GKAP1: variants seen among roughly 807,000 people sequenced by gnomAD.
GKAP1 encodes the protein G kinase-anchoring protein 1.
In GKAP1, 31 loss-of-function variants were observed where a neutral mutation model predicts 56.7. The ratio of observed to expected loss-of-function variants is 0.55; its 90% CI spans 0.41 to 0.74. The LOEUF (loss-of-function observed/expected upper bound fraction) is 0.74, where lower values mean the gene tolerates loss of function less well. GKAP1 is among the 30% of genes least tolerant of loss of function. The probability of loss-of-function intolerance (pLI) is 0.00; values close to 1 mark genes in which losing one functional copy is unlikely to be tolerated. For synonymous variants in GKAP1, 151 were observed against 138.6 expected (o/e 1.09, Z -0.63); for missense variants, 364 against 402.3 (o/e 0.90, Z 0.82).
intron 7 of GKAP1, among the ~76,000 whole-genome samples, chr9:83,774,578 A>G (rs1266940345): frequency 6.6e-6 from 1 of 151,182 alleles, no homozygotes; most frequent in Non-Finnish European, 1.5e-5. Flanking sequence ...TGGGTGACAG[A>G]GCAAGACCCT....
intron 8 of GKAP1, among the ~76,000 whole-genome samples, chr9:83,763,383 G>T (rs925780408): frequency 2.0e-5 from 3 of 151,870 alleles, no homozygotes; most frequent in African/African-American, 7.3e-5. Context: ...AGCACAACAG[G>T]GTGACTATTA....
chr9:83,804,174 G>A (rs1030866679), intron 3 of GKAP1, among the ~76,000 whole-genome samples: 1 of 149,066 alleles, frequency 6.7e-6, no homozygotes, highest in African/African-American at 2.5e-5. Flanking sequence ...GGTGAGGGGC[G>A]CCTCTGCCCA....
In GKAP1 at chr9:83,748,342, C is replaced by T. The variant is rs1267798503; in HGVS notation, c.871G>A (p.Ala291Thr). 1 of 1,597,256 alleles carries T rather than the reference C, an allele frequency of 6.3e-7. No individual in the cohort carries two copies. Among genetic ancestry groups the T allele is most frequent in the Non-Finnish European group, 8.5e-7 (1 of 1,170,676 alleles). Residue 291 changes from alanine (A) to threonine (T), a missense_variant, in exon 10 of 13, where the codon GCA (alanine) becomes ACA (threonine). Transcript: ENST00000376371. ...AKYKEVKARNAQLLKMLQEGE... is the reference protein window; with the variant it reads ...AKYKEVKARNTQLLKMLQEGE... ...TCCTGAAGCATTTTCAATAATTGTG[C>T]ATTTCTTGCCTTTACTTCCTTATAC...
At chr9:83,741,410 A>C (rs1367869260) in intron 12 of GKAP1, among the ~76,000 whole-genome samples, 1 of 151,772 alleles carries the variant, frequency 6.6e-6, no homozygotes, top group African/African-American at 2.4e-5. Context: ...TGGTATTTTT[A>C]ATTGCTTCAT....
intron 5 of GKAP1, among the ~76,000 whole-genome samples, chr9:83,785,368 C>T (rs1358215805): frequency 6.6e-6 from 1 of 151,906 alleles, no homozygotes; most frequent in African/African-American, 2.4e-5. Flanking sequence ...TGCTTTATAC[C>T]CACTGCTCTT....
At chr9:83,789,505 G>A (rs927906170) in intron 4 of GKAP1, among the ~76,000 whole-genome samples, 1 of 152,156 alleles carries the variant, frequency 6.6e-6, no homozygotes, top group African/African-American at 2.4e-5. Context: ...GTGTCTATGT[G>A]TACAGGATAA....
At chr9:83,804,329 C>T (rs1944391678) in intron 3 of GKAP1, among the ~76,000 whole-genome samples, 1 of 146,236 alleles carries the variant, frequency 6.8e-6, no homozygotes, top group African/African-American at 2.5e-5. Context: ...GGCCAGCCGC[C>T]CCATCCGGGA....
At chr9:83,743,970 A>G (rs917174500) in intron 10 of GKAP1, among the ~76,000 whole-genome samples, 17 of 152,214 alleles carry the variant, frequency 1.1e-4, no homozygotes, top group Non-Finnish European at 1.8e-4. Flanking sequence ...TAAAATTGTA[A>G]TAAAATTAGC....
intron 4 of GKAP1, among the ~76,000 whole-genome samples, chr9:83,791,195 G>A (rs962524399): frequency 6.6e-6 from 1 of 152,156 alleles, no homozygotes; most frequent in African/African-American, 2.4e-5. Context: ...AAGGTCAGGA[G>A]ATCAAGACCA....
intron 7 of GKAP1, among the ~76,000 whole-genome samples, chr9:83,771,079 T>C (rs1240404722): frequency 6.6e-6 from 1 of 152,134 alleles, no homozygotes; most frequent in Non-Finnish European, 1.5e-5. Flanking sequence ...CATTCTCTTT[T>C]TTTTGAGACA....
intron 10 of GKAP1, among the ~76,000 whole-genome samples, chr9:83,743,500 C>T (rs2131224654): frequency 6.6e-6 from 1 of 152,134 alleles, no homozygotes; most frequent in Middle Eastern, 3.4e-3. Context: ...GAGGCTGAGG[C>T]AGGAGAATCA....
chr9:83,771,456 A>G (rs912189414), intron 7 of GKAP1, among the ~76,000 whole-genome samples: 2 of 152,208 alleles, frequency 1.3e-5, no homozygotes, highest in African/African-American at 4.8e-5. Flanking sequence ...AATTATTCAT[A>G]CTTTTCACTT....
chr9:83,765,068 AG>A (rs1943639267), intron 8 of GKAP1, among the ~76,000 whole-genome samples: 1 of 152,130 alleles, frequency 6.6e-6, no homozygotes, highest in African/African-American at 2.4e-5. Flanking sequence ...CTGGAAGCCT[AG>A]GAGGGAAAAT....
At chr9:83,749,010 T>A (rs1226691708) in intron 9 of GKAP1, 2 of 152,208 alleles carry the variant, frequency 1.3e-5, no homozygotes. Flanking sequence ...TTGGCTGGCA[T>A]GAATTAGTAC....
intron 10 of GKAP1, among the ~76,000 whole-genome samples, chr9:83,743,431 G>C (rs974419444): frequency 6.6e-6 from 1 of 151,738 alleles, no homozygotes; most frequent in Non-Finnish European, 1.5e-5. Context: ...CCTGTCCCTA[G>C]TAAAAACACA....
intron 4 of GKAP1, among the ~76,000 whole-genome samples, chr9:83,791,264 G>A (rs1026582667): frequency 4.6e-5 from 7 of 151,854 alleles, no homozygotes; most frequent in African/African-American, 7.3e-5. Flanking sequence ...TTAGCCGGAC[G>A]TGGTGGCGGG....
At chr9:83,806,787 C>G (rs903908059) in intron 2 of GKAP1, among the ~76,000 whole-genome samples, 2 of 152,186 alleles carry the variant, frequency 1.3e-5, no homozygotes, top group Admixed American at 1.3e-4. Context: ...ATAATGTACT[C>G]ATTTTTCCAT....
At chr9:83,743,760 T>C (rs1943245577) in intron 10 of GKAP1, among the ~76,000 whole-genome samples, 1 of 152,148 alleles carries the variant, frequency 6.6e-6, no homozygotes, top group Non-Finnish European at 1.5e-5. Flanking sequence ...TCATATGACA[T>C]GTGTGGTCTC....
intron 7 of GKAP1, among the ~76,000 whole-genome samples, chr9:83,775,382 T>G (rs1943840847): frequency 6.6e-6 from 1 of 152,054 alleles, no homozygotes; most frequent in Non-Finnish European, 1.5e-5. Context: ...TTCCTTTTAC[T>G]GGAGAATGGT....
Sources: allele counts gnomAD v4.1 joint callset (sites outside exome capture counted in the v4.1 genomes callset), GRCh38; gene constraint gnomAD v4.1.1; transcripts MANE v1.5; gene names NCBI Gene and HGNC (gene_info 2026-07-23, HGNC 2026-07-21).